The following STXBP6 variants were observed in gnomAD, a reference collection of about 807,000 sequenced individuals.
STXBP6 encodes syntaxin-binding protein 6.
A neutral mutation model predicts 26.9 loss-of-function variants in STXBP6; 21 were observed. The observed-to-expected ratio is 0.78, with a 90% CI of 0.55 to 1.12. The LOEUF (loss-of-function observed/expected upper bound fraction) is 1.12. Among genes scored for constraint, STXBP6 ranks in the 50% most tolerant of loss-of-function variants. STXBP6 has a pLI of 0.00. For missense variants in STXBP6, 232 were observed against 257.9 expected (o/e 0.90, Z 0.69); for synonymous variants, 97 against 92.6 (o/e 1.05, Z -0.27).
At chr14:24,961,193 C>T (rs546597081) in intron 2 of STXBP6, among the ~76,000 whole-genome samples, 14 of 152,172 alleles carry the variant, frequency 9.2e-5, no homozygotes, top group Admixed American at 3.3e-4. Flanking sequence ...CCACATGTCA[C>T]TTTTAAGTGG....
At chr14:24,895,239 G>A (rs902005024) in intron 2 of STXBP6, among the ~76,000 whole-genome samples, 4 of 152,124 alleles carry the variant, frequency 2.6e-5, no homozygotes, top group African/African-American at 7.2e-5. Context: ...TTTTTTCATT[G>A]TGAAATGACC....
intron 2 of STXBP6, among the ~76,000 whole-genome samples, chr14:24,877,011 T>C (rs1022607607): frequency 6.6e-6 from 1 of 152,212 alleles, no homozygotes; most frequent in Non-Finnish European, 1.5e-5. Context: ...AACTCTACTT[T>C]GAAGAGTTCA....
intron 1 of STXBP6, among the ~76,000 whole-genome samples, chr14:25,024,036 G>A (rs897096971): frequency 2.6e-5 from 4 of 151,954 alleles, no homozygotes; most frequent in Non-Finnish European, 5.9e-5. Context: ...TTGGCCGGGC[G>A]TGGTGGCTCA....
chr14:24,934,443 A>G (rs1003778524), intron 2 of STXBP6, among the ~76,000 whole-genome samples: 1 of 152,224 alleles, frequency 6.6e-6, no homozygotes, highest in African/African-American at 2.4e-5. Context: ...ATTCTTGTTC[A>G]AAGTATAAAC....
intron 1 of STXBP6, among the ~76,000 whole-genome samples, chr14:24,984,342 T>G (rs921039135): frequency 3.9e-5 from 6 of 152,260 alleles, no homozygotes; most frequent in African/African-American, 1.4e-4. Context: ...TGGAAGAGTT[T>G]GAGTAAGTTT....
At chr14:25,012,125 G>A (rs1462621581) in intron 1 of STXBP6, among the ~76,000 whole-genome samples, 1 of 152,026 alleles carries the variant, frequency 6.6e-6, no homozygotes, top group Non-Finnish European at 1.5e-5. Flanking sequence ...ACTTGAAGCA[G>A]ATCACTCAGG....
intron 2 of STXBP6, among the ~76,000 whole-genome samples, chr14:24,861,739 C>T (rs1160198665): frequency 6.6e-6 from 1 of 152,178 alleles, no homozygotes; most frequent in Non-Finnish European, 1.5e-5. Context: ...GTGCTCTCCA[C>T]ACAGGATTGA....
chr14:24,877,548 A>G (rs2070191113), intron 2 of STXBP6, among the ~76,000 whole-genome samples: 1 of 151,730 alleles, frequency 6.6e-6, no homozygotes, highest in Non-Finnish European at 1.5e-5. Flanking sequence ...TCTTTTCCTT[A>G]TTATTTTATC....
chr14:24,857,134 C>A lies in STXBP6; in HGVS notation c.178G>T (p.Ala60Ser). 1 of 1,612,912 alleles carries A rather than the reference C, an allele frequency of 6.2e-7. No individual in the cohort carries two copies. The highest frequency in any genetic ancestry group is 8.5e-7 in the Non-Finnish European group (1 of 1,179,170). The change falls in exon 3 of 6, where the codon GCG becomes TCG. Residue 60 changes from alanine to serine, a missense_variant. By Grantham distance (99) the Ala-to-Ser change is moderately conservative. Transcript: ENST00000323944. ...AACTGTTTGACCTTTGTGATGGACG[C>A]CTGTGTGGGTTTCTTGTTTGTCACT... ...LSVTNKKPTQ[A>S]SITKVKQFEG...
chr14:24,827,742 T>C (rs1251975945), intron 4 of STXBP6, among the ~76,000 whole-genome samples: 1 of 152,188 alleles, frequency 6.6e-6, no homozygotes, highest in Non-Finnish European at 1.5e-5. Context: ...TCATGCCACT[T>C]TCTCATTTCT....
intron 1 of STXBP6, among the ~76,000 whole-genome samples, chr14:24,980,250 T>G (rs2074151917): frequency 6.6e-6 from 1 of 152,182 alleles, no homozygotes; most frequent in African/African-American, 2.4e-5. Context: ...ATGTCATATA[T>G]TAAGATCAAG....
intron 2 of STXBP6, among the ~76,000 whole-genome samples, chr14:24,952,346 A>G (rs2140065849): frequency 6.6e-6 from 1 of 152,002 alleles, no homozygotes; most frequent in Non-Finnish European, 1.5e-5. Context: ...ACTTACTTAA[A>G]TGCACGTAGT....
chr14:24,835,188 A>G lies in STXBP6; in HGVS notation c.452-15994T>C, dbSNP rs139700288. Reference sequence around the variant, plus strand: ...TGGAAGGCATGTGTCAAGATGGTGAAATGACAAAGATGCAAGCAAACTGGA... The same window carrying G: ...TGGAAGGCATGTGTCAAGATGGTGAGATGACAAAGATGCAAGCAAACTGGA... On this transcript the variant is annotated intron_variant, in intron 4 of 5. Transcript: ENST00000323944. Among the ~76,000 whole-genome samples, 206 of 152,298 alleles carry G rather than the reference A, an allele frequency of 1.4e-3. 1 individual carries two copies. Among genetic ancestry groups the G allele is most frequent in the African/African-American group, 4.6e-3 (193 of 41,560 alleles).
chr14:24,821,133 A>G (rs2068121505), intron 4 of STXBP6, among the ~76,000 whole-genome samples: 1 of 152,230 alleles, frequency 6.6e-6, no homozygotes, highest in Admixed American at 6.5e-5. Flanking sequence ...AGAGGGCACA[A>G]GAAAATCTCC....
chr14:24,829,183 AAG>A (rs1429413974), intron 4 of STXBP6, among the ~76,000 whole-genome samples: 17 of 152,316 alleles, frequency 1.1e-4, no homozygotes, highest in African/African-American at 4.1e-4. Context: ...ATAAATAATG[AAG>A]AGAGAAATTA....
chr14:24,949,285 T>C (rs889496468), intron 2 of STXBP6, among the ~76,000 whole-genome samples: 4 of 152,176 alleles, frequency 2.6e-5, no homozygotes, highest in East Asian at 1.9e-4. Flanking sequence ...TTTCTCTAAA[T>C]TGAGTAATGA....
chr14:25,049,952 G>A lies in STXBP6; in HGVS notation c.-107C>T, dbSNP rs1164480444. 1 of 893,576 alleles carries A rather than the reference G, an allele frequency of 1.1e-6. No individual in the cohort carries two copies. The highest frequency in any genetic ancestry group is 1.3e-6 in the Non-Finnish European group (1 of 747,630). 55.4% of individuals were successfully genotyped at this position (893,576 alleles called of 1,614,324 possible). A position where few individuals can be genotyped will look rare whatever the true frequency, so the allele number is the denominator to read the frequency against. The stretch of plus-strand genomic sequence containing the variant: ...CAGAGCACGAGGCTCCTCCCCGGGG[G>A]GCTGCCCCGCGCGGGGCTCCGGGCT... On this transcript the variant is annotated 5_prime_UTR_variant, in exon 1 of 6. Coordinates refer to ENST00000323944, the MANE Select transcript of STXBP6 (RefSeq NM_001394410.1). This position sits in a 1 kb window ranked among gnomAD's most constrained non-coding sequence, Gnocchi z 5.6.
rs953103757 is a variant in STXBP6, at chr14:24,845,233, C to T, written c.451+10703G>A. 5.9e-5 allele frequency among the ~76,000 whole-genome samples: 9 copies of T among 152,136 alleles called. No individual in the cohort carries two copies. In the South Asian group the frequency reaches 8.3e-4, roughly 14 times the overall value. ...TTCACCGTGTTAGCCAGGATGGTCT[C>T]GATCTCCTGACCTCGTGATCTGCCC... On this transcript the variant is annotated intron_variant, in intron 4 of 5. Transcript: ENST00000323944.
At chr14:24,949,643 T>C (rs58333504) in intron 2 of STXBP6, among the ~76,000 whole-genome samples, 1 of 152,338 alleles carries the variant, frequency 6.6e-6, no homozygotes, top group African/African-American at 2.4e-5. Context: ...CAAAATCTAT[T>C]TCTTTAAAAT....
Sources: gnomAD v4.1 joint callset for allele counts (sites outside exome capture counted in the v4.1 genomes callset) on GRCh38, gnomAD v4.1.1 for gene constraint, Gnocchi (gnomAD v3.1) non-coding constraint, MANE v1.5 for transcripts, NCBI Gene and HGNC (gene_info 2026-07-23, HGNC 2026-07-21) for gene names.